The following ZNF716 variants were observed in gnomAD, a reference collection of about 807,000 sequenced individuals.
ZNF716 encodes the protein zinc finger protein 716.
ZNF716 carries 9 observed loss-of-function variants against 13.4 expected under a neutral mutation model. That is an observed-to-expected ratio of 0.67 (90% CI 0.41 to 1.18). The LOEUF (loss-of-function observed/expected upper bound fraction) is 1.18, where lower values mean the gene tolerates loss of function less well. Ranked by LOEUF, ZNF716 falls within the 50% of genes most tolerant of loss-of-function variation. The pLI is 0.01. For synonymous variants in ZNF716, 186 were observed against 195.2 expected (o/e 0.95, Z 0.39); for missense variants, 581 against 576.6 (o/e 1.01, Z -0.08).
intron 1 of ZNF716, among the ~76,000 whole-genome samples, chr7:57,459,883 A>T (rs1789675873): frequency 6.6e-6 from 1 of 152,148 alleles, no homozygotes; most frequent in African/African-American, 2.4e-5. Context: ...GTTATTAACA[A>T]CAAAAATGGG....
intron 1 of ZNF716, among the ~76,000 whole-genome samples, chr7:57,458,062 G>T (rs1438659145): frequency 6.6e-6 from 1 of 152,180 alleles, no homozygotes; most frequent in Admixed American, 6.5e-5. Context: ...TACCATTGAA[G>T]ACATACAGAT....
intron 1 of ZNF716, among the ~76,000 whole-genome samples, chr7:57,450,917 G>A (rs1789478475): frequency 6.6e-6 from 1 of 152,148 alleles, no homozygotes; most frequent in Non-Finnish European, 1.5e-5. Flanking sequence ...TTCCTTGTTT[G>A]TAAGATCCAG....
chr7:57,456,274 G>A (rs782213859), intron 1 of ZNF716, among the ~76,000 whole-genome samples: 5 of 152,148 alleles, frequency 3.3e-5, no homozygotes, highest in Admixed American at 6.5e-5. Flanking sequence ...ATGTTTTATA[G>A]TAAACTGGTT....
intron 1 of ZNF716, among the ~76,000 whole-genome samples, chr7:57,452,182 T>C (rs1311446720): frequency 2.6e-5 from 4 of 152,240 alleles, no homozygotes; most frequent in African/African-American, 9.6e-5. Context: ...TGTCAACTTT[T>C]CTTTCTAACT....
At position 57,470,658 on chromosome 7, in the gene ZNF716, C is replaced by T. The variant is rs576240020; in HGVS notation, c.*709C>T. On this transcript the variant is annotated 3_prime_UTR_variant, in exon 4 of 4. Transcript: ENST00000420713. ...TATGGAAATGTCTTTTAAAAGTCCT[C>T]AAACTTTTTGTTTGAATAAATGTAA... 1.3e-5 allele frequency: 2 copies of T among 151,700 alleles called. No individual in the cohort carries two copies. The highest frequency in any genetic ancestry group is 1.3e-4 in the Admixed American group (2 of 15,240). 9.4% of individuals were successfully genotyped at this position (151,700 alleles called of 1,614,324 possible).
intron 1 of ZNF716, 129 bp from the exon 2 acceptor site, chr7:57,462,331 C>G (rs1789721245): frequency 3.8e-6 from 4 of 1,056,172 alleles, no homozygotes; most frequent in Non-Finnish European, 4.2e-6. Flanking sequence ...GTCACTCTTA[C>G]AAGTCAGAAC....
chr7:57,467,098 A>G (rs1205663203), intron 3 of ZNF716, among the ~76,000 whole-genome samples: 1 of 150,162 alleles, frequency 6.7e-6, no homozygotes, highest in Non-Finnish European at 1.5e-5. Flanking sequence ...CTCTTAATTT[A>G]CAACAGTATA....
chr7:57,468,783 C>CA lies in ZNF716; in HGVS notation c.327dup (p.Val110SerfsTer21). 6.2e-7 allele frequency: 1 copy of CA among 1,613,246 alleles called. No individual in the cohort carries two copies. Among genetic ancestry groups the CA allele is most frequent in the Non-Finnish European group, 8.5e-7 (1 of 1,179,670 alleles). ...AGAGCAGGGCATAAAAGATTCACTC[C>CA]AAAAAGTGATACTGAGAAGATATGG... On this transcript the variant is annotated frameshift_variant, in exon 4 of 4. Transcript: ENST00000420713. LOFTEE classifies it low-confidence loss of function (END_TRUNC).
At chr7:57,455,662 G>C (rs1215679251) in intron 1 of ZNF716, among the ~76,000 whole-genome samples, 4 of 151,642 alleles carry the variant, frequency 2.6e-5, no homozygotes, top group African/African-American at 9.7e-5. Context: ...GATTACAGGT[G>C]CCCACCACTG....
intron 1 of ZNF716, among the ~76,000 whole-genome samples, chr7:57,458,262 A>G (rs183765380): frequency 1.3e-5 from 2 of 152,106 alleles, no homozygotes; most frequent in African/African-American, 4.8e-5. Flanking sequence ...ACAAATTTAT[A>G]CTCTCACCAG....
chr7:57,453,345 A>G (rs1432921022), intron 1 of ZNF716, among the ~76,000 whole-genome samples: 1 of 152,202 alleles, frequency 6.6e-6, no homozygotes, highest in Non-Finnish European at 1.5e-5. Flanking sequence ...TTGATTTGAC[A>G]CATGAGTCAG....
At chr7:57,465,957 T>G (rs1288249914) in intron 3 of ZNF716, among the ~76,000 whole-genome samples, 1 of 151,848 alleles carries the variant, frequency 6.6e-6, no homozygotes, top group Non-Finnish European at 1.5e-5. Context: ...ACACCACATA[T>G]TCTCACTTGT....
intron 1 of ZNF716, 86 bp from the exon 2 acceptor site, chr7:57,462,374 C>G: frequency 6.9e-7 from 1 of 1,459,568 alleles, no homozygotes; most frequent in Non-Finnish European, 9.4e-7. Context: ...TAACATGAGT[C>G]AAATAAAAAT....
intron 1 of ZNF716, among the ~76,000 whole-genome samples, chr7:57,461,909 C>G (rs1283921360): frequency 6.6e-6 from 1 of 152,098 alleles, no homozygotes; most frequent in Non-Finnish European, 1.5e-5. Flanking sequence ...CCTGCAATCC[C>G]AGTATTTTGG....
chr7:57,469,100 C>T lies in ZNF716; in HGVS notation c.639C>T (p.Tyr213=). 6.2e-7 allele frequency: 1 copy of T among 1,608,340 alleles called. No individual in the cohort carries two copies. The highest frequency in any genetic ancestry group is 8.5e-7 in the Non-Finnish European group (1 of 1,176,876). The change falls in exon 4 of 4, where the codon TAC becomes TAT. Residue 213 remains tyrosine (Y), a synonymous_variant. Coordinates refer to ENST00000420713, the MANE Select transcript of ZNF716 (RefSeq NM_001159279.1). The part of the protein sequence containing the change: ...HQIIHTREKS[Y]KCEECGKSFN... Reference sequence around the variant, plus strand: ...TAATTCATACTAGGGAGAAGTCTTACAAATGTGAAGAATGTGGCAAATCCT... The same window carrying T: ...TAATTCATACTAGGGAGAAGTCTTATAAATGTGAAGAATGTGGCAAATCCT...
rs111609667 is a variant in ZNF716, at chr7:57,458,809, T to A, written c.40-3651T>A. Among the ~76,000 whole-genome samples, 1,138 of 152,354 alleles carry A rather than the reference T, an allele frequency of 7.5e-3. 13 individuals are homozygous for A. The highest frequency in any genetic ancestry group is 0.026 in the African/African-American group (1,086 of 41,578). On this transcript the variant is annotated intron_variant, in intron 1 of 3. Coordinates refer to ENST00000420713, the MANE Select transcript of ZNF716 (RefSeq NM_001159279.1). ...TCTTCATTTCAGCTCTGATTTTGGT[T>A]ATTTCTTGTCTTTTGTGATCTTTGA...
At chr7:57,466,795 GT>G (rs1789824810) in intron 3 of ZNF716, among the ~76,000 whole-genome samples, 1 of 151,412 alleles carries the variant, frequency 6.6e-6, no homozygotes, top group Non-Finnish European at 1.5e-5. Context: ...GAATTTTTTT[GT>G]TGAAAATGAG....
intron 1 of ZNF716, among the ~76,000 whole-genome samples, chr7:57,451,474 G>T (rs1789493421): frequency 8.4e-6 from 1 of 118,606 alleles, no homozygotes; most frequent in Non-Finnish European, 1.6e-5. Context: ...TTGAGATAGA[G>T]CCTCGCAATG....
chr7:57,466,881 A>G (rs1246775955), intron 3 of ZNF716, among the ~76,000 whole-genome samples: 2 of 151,996 alleles, frequency 1.3e-5, no homozygotes, highest in African/African-American at 4.8e-5. Flanking sequence ...GTATATAAAT[A>G]TATATTTTGA....
Sources: allele counts gnomAD v4.1 joint callset (sites outside exome capture counted in the v4.1 genomes callset), GRCh38; gene constraint gnomAD v4.1.1; transcripts MANE v1.5; gene names NCBI Gene and HGNC (gene_info 2026-07-23, HGNC 2026-07-21).